The following SDK2 variants were observed in gnomAD, a reference collection of about 807,000 sequenced individuals.
SDK2 encodes the protein protein sidekick-2.
SDK2 carries 105 observed loss-of-function variants against 253.9 expected under a neutral mutation model. The ratio of observed to expected loss-of-function variants is 0.41; its 90% CI spans 0.35 to 0.49. The LOEUF (loss-of-function observed/expected upper bound fraction) is 0.49. Among genes scored for constraint, SDK2 ranks in the 20% least tolerant of loss-of-function variants. SDK2 has a pLI of 0.06. For synonymous variants in SDK2, 1,249 were observed against 1,234.9 expected (o/e 1.01, Z -0.24); for missense variants, 2,608 against 3,003.0 (o/e 0.87, Z 3.07).
chr17:73,466,717 C>CA (rs1456046922), intron 3 of SDK2, among the ~76,000 whole-genome samples: 1 of 118,970 alleles, frequency 8.4e-6, no homozygotes, highest in Non-Finnish European at 1.7e-5. Flanking sequence ...TGGGGAACGC[C>CA]CCCCCCCCCC....
intron 18 of SDK2, among the ~76,000 whole-genome samples, chr17:73,404,180 T>TA (rs761369086): frequency 2.0e-5 from 3 of 152,242 alleles, no homozygotes; most frequent in Admixed American, 6.5e-5. Flanking sequence ...TTCATTATCC[T>TA]ACAGCTTGAC....
intron 15 of SDK2, among the ~76,000 whole-genome samples, chr17:73,420,228 G>A (rs1373024242): frequency 6.6e-6 from 1 of 152,232 alleles, no homozygotes; most frequent in Non-Finnish European, 1.5e-5. Flanking sequence ...TTCACATCAC[G>A]GACACGTGTC....
intron 15 of SDK2, among the ~76,000 whole-genome samples, chr17:73,419,563 T>A (rs1215282104): frequency 6.6e-6 from 1 of 151,962 alleles, no homozygotes; most frequent in Non-Finnish European, 1.5e-5. Context: ...TGTGGATATA[T>A]GTATATGTCT....
chr17:73,628,478 G>C (rs2046230409), intron 1 of SDK2, among the ~76,000 whole-genome samples: 1 of 152,340 alleles, frequency 6.6e-6, no homozygotes, highest in Admixed American at 6.5e-5. Flanking sequence ...CTCAGTCACT[G>C]TGAGCTTTTA....
intron 4 of SDK2, among the ~76,000 whole-genome samples, chr17:73,453,188 G>T (rs1354676507): frequency 6.6e-6 from 1 of 152,152 alleles, no homozygotes; most frequent in Non-Finnish European, 1.5e-5. Context: ...AGCTGGAAAA[G>T]TGTATGTTCC....
intron 3 of SDK2, among the ~76,000 whole-genome samples, chr17:73,466,715 G>GCC (rs869108125): frequency 0.017 from 1,777 of 106,946 alleles, 140 homozygotes; most frequent in East Asian, 0.027. Context: ...TCTGGGGAAC[G>GCC]CCCCCCCCCC....
chr17:73,381,450 C>T (rs569205549), intron 33 of SDK2, among the ~76,000 whole-genome samples: 2 of 151,414 alleles, frequency 1.3e-5, no homozygotes, highest in South Asian at 2.1e-4. Flanking sequence ...CCACCAAAAA[C>T]GCAAGCTGTT....
intron 1 of SDK2, among the ~76,000 whole-genome samples, chr17:73,549,488 C>G (rs2045020800): frequency 6.6e-6 from 1 of 152,190 alleles, no homozygotes; most frequent in Admixed American, 6.5e-5. Context: ...AACAAAGATT[C>G]AGCCCTTGCC....
At chr17:73,420,586 C>T (rs539443936) in intron 15 of SDK2, among the ~76,000 whole-genome samples, 5 of 152,086 alleles carry the variant, frequency 3.3e-5, no homozygotes, top group Non-Finnish European at 7.4e-5. Flanking sequence ...CTGCCTCTGC[C>T]TCCCAAAGTG....
At position 73,352,372 on chromosome 17, in the gene SDK2, C is replaced by T. The variant is rs936622958; in HGVS notation, c.5758+101G>A. 1 of 1,406,138 alleles carries T rather than the reference C, an allele frequency of 7.1e-7. No homozygotes were observed. Among genetic ancestry groups the T allele is most frequent in the Admixed American group, 2.1e-5 (1 of 46,580 alleles). 87.1% of individuals were successfully genotyped at this position (1,406,138 alleles called of 1,614,324 possible). ...AATGTGTTTTTGTTCCCGCCCCATG[C>T]TCCTGGTGCCCTGGTGCCTCTCCTC... On this transcript the variant is annotated intron_variant, in intron 41 of 44. Transcript: ENST00000392650. The surrounding 1 kb of genome is among the most constrained non-coding windows in gnomAD (Gnocchi z 4.1).
intron 4 of SDK2, among the ~76,000 whole-genome samples, chr17:73,449,919 T>G (rs2063479888): frequency 6.6e-6 from 1 of 151,414 alleles, no homozygotes; most frequent in Non-Finnish European, 1.5e-5. Context: ...CGAAACTCCA[T>G]CTCAAAAAAA....
chr17:73,626,176 G>C (rs889994838), intron 1 of SDK2, among the ~76,000 whole-genome samples: 8 of 152,240 alleles, frequency 5.3e-5, no homozygotes, highest in African/African-American at 1.7e-4. Context: ...CAGGAGGGAG[G>C]AAGGACCTTC....
chr17:73,520,719 A>T (rs976915597), intron 1 of SDK2: 6 of 152,316 alleles, frequency 3.9e-5, no homozygotes, highest in Non-Finnish European at 1.5e-5. Flanking sequence ...GAGCATCTAG[A>T]AACTTCCCCA....
At chr17:73,390,144 T>A (rs891814032) in intron 29 of SDK2, 143 bp downstream of exon 29, 5 of 725,758 alleles carry the variant, frequency 6.9e-6, no homozygotes, top group Non-Finnish European at 1.1e-5. Flanking sequence ...TTGCTGACTT[T>A]GACTTCAGAG....
At position 73,338,602 on chromosome 17, in the gene SDK2, A is replaced by C. The variant is rs1176661182; in HGVS notation, c.6504T>G (p.Phe2168Leu). 1 of 1,519,476 alleles carries C rather than the reference A, an allele frequency of 6.6e-7. No individual in the cohort carries two copies. The highest frequency in any genetic ancestry group is 1.3e-5 in the South Asian group (1 of 76,216). 94.1% of individuals were successfully genotyped at this position (1,519,476 alleles called of 1,614,324 possible). A position where few individuals can be genotyped will look rare whatever the true frequency, so the allele number is the denominator to read the frequency against. The change falls in exon 45 of 45, where the codon TTT becomes TTG. Residue 2168 changes from phenylalanine to leucine, a missense_variant. By Grantham distance (22) the Phe-to-Leu change is conservative. This residue lies in a region of SDK2 where 1,103 missense variants were observed against 1,143.9 expected (regional missense o/e 0.96). Transcript: ENST00000392650. The surrounding 1 kb of genome is among the most constrained non-coding windows in gnomAD (Gnocchi z 5.0). ...APGSRAPIAG[F>L]SSFV ...TCTTCTGATGTCAAACAAATGATGA[A>C]AATCCTGCTATGGGAGCCCGGGAGC...
chr17:73,505,920 T>A (rs978687355), intron 2 of SDK2, among the ~76,000 whole-genome samples: 1 of 152,244 alleles, frequency 6.6e-6, no homozygotes, highest in African/African-American at 2.4e-5. Flanking sequence ...GTCCTTCCAC[T>A]GAGCTGGAAC....
At chr17:73,342,189 C>T (rs1431640072) in intron 44 of SDK2, among the ~76,000 whole-genome samples, 1 of 151,642 alleles carries the variant, frequency 6.6e-6, no homozygotes, top group African/African-American at 2.4e-5. Context: ...CCCTCTACAA[C>T]CCCAGCCACT....
chr17:73,463,408 T>C lies in SDK2; in HGVS notation c.332-7355A>G, dbSNP rs534302752. On this transcript the variant is annotated intron_variant, in intron 3 of 44. Coordinates refer to ENST00000392650, the MANE Select transcript of SDK2 (RefSeq NM_001144952.2). Reference sequence around the variant, plus strand: ...TTAAAATCATGAAATATGTCACGCATACAAAAGAGCAAATATAATTATATG... The same window carrying C: ...TTAAAATCATGAAATATGTCACGCACACAAAAGAGCAAATATAATTATATG... Among the ~76,000 whole-genome samples the C allele has an allele frequency of 3.3e-5, 5 of 152,310 alleles. No individual in the cohort carries two copies. The South Asian group carries it at 8.3e-4, about 25-fold the overall frequency.
At chr17:73,408,841 G>C (rs117799554) in intron 18 of SDK2, among the ~76,000 whole-genome samples, 3,306 of 152,286 alleles carry the variant, frequency 0.022, 64 homozygotes, top group Non-Finnish European at 0.03. Flanking sequence ...ATAAAACCAC[G>C]AGTAACAGAT....
Sources: allele counts gnomAD v4.1 joint callset (sites outside exome capture counted in the v4.1 genomes callset), GRCh38; gene constraint gnomAD v4.1.1; regional missense constraint gnomAD v4.1.1; non-coding constraint Gnocchi (gnomAD v3.1); transcripts MANE v1.5; gene names NCBI Gene and HGNC (gene_info 2026-07-23, HGNC 2026-07-21).